DPP6: variants seen among roughly 807,000 people sequenced by gnomAD.
The protein encoded by DPP6 is A-type potassium channel modulatory protein DPP6.
Under a neutral mutation model 122.6 loss-of-function variants are expected in DPP6, and 69 were observed. The observed-to-expected ratio is 0.56, with a 90% CI of 0.46 to 0.69. The LOEUF (loss-of-function observed/expected upper bound fraction) is 0.69. Among genes scored for constraint, DPP6 ranks in the 30% least tolerant of loss-of-function variants. The probability of loss-of-function intolerance (pLI) is 0.00; values close to 1 mark genes in which losing one functional copy is unlikely to be tolerated. For missense variants in DPP6, 928 were observed against 1,116.9 expected, an observed-to-expected ratio of 0.83 and a Z score of 2.41; for synonymous variants, 418 against 433.1, an observed-to-expected ratio of 0.97 and a Z score of 0.43.
chr7:154,167,037 T>C (rs1405106706), intron 1 of DPP6, among the ~76,000 whole-genome samples: 1 of 149,288 alleles, frequency 6.7e-6, no homozygotes, highest in Non-Finnish European at 1.5e-5. Flanking sequence ...GCTCATGTGC[T>C]GAGTTTGGTG....
intron 1 of DPP6, among the ~76,000 whole-genome samples, chr7:153,983,545 G>A (rs1377628962): frequency 1.3e-5 from 2 of 152,158 alleles, no homozygotes; most frequent in Non-Finnish European, 2.9e-5. Flanking sequence ...CTCCTTTCCA[G>A]GTGAGTGAAC....
At chr7:154,627,063 A>AGTT (rs1342317514) in intron 5 of DPP6, among the ~76,000 whole-genome samples, 1 of 109,566 alleles carries the variant, frequency 9.1e-6, no homozygotes, top group Non-Finnish European at 1.7e-5. Flanking sequence ...ACCAGGCTGG[A>AGTT]GTTCAGTGGC....
intron 1 of DPP6, among the ~76,000 whole-genome samples, chr7:154,009,788 C>T (rs1798076937): frequency 6.6e-6 from 1 of 151,142 alleles, no homozygotes; most frequent in Non-Finnish European, 1.5e-5. Flanking sequence ...GTCAGCCCCT[C>T]AACCATGAAA....
intron 1 of DPP6, among the ~76,000 whole-genome samples, chr7:154,068,047 T>C (rs145732388): frequency 0.067 from 10,081 of 150,746 alleles, 1,123 homozygotes; most frequent in African/African-American, 0.23. Flanking sequence ...CAGGCATGAG[T>C]CACCGTGCCT....
the DPP6 span, among the ~76,000 whole-genome samples, chr7:153,771,497 G>A: frequency 3.3e-5 from 5 of 151,998 alleles, no homozygotes; most frequent in Non-Finnish European, 5.9e-5. Flanking sequence ...GTGCCACCAC[G>A]CCTGACTAAT....
intron 1 of DPP6, among the ~76,000 whole-genome samples, chr7:154,237,090 G>A (rs752388799): frequency 3.3e-5 from 5 of 152,160 alleles, no homozygotes; most frequent in Non-Finnish European, 5.9e-5. Flanking sequence ...ACGACTGGGC[G>A]TGAGGGAAGG....
At chr7:154,773,262 C>T (rs1796356703) in intron 10 of DPP6, among the ~76,000 whole-genome samples, 1 of 152,310 alleles carries the variant, frequency 6.6e-6, no homozygotes, top group East Asian at 1.9e-4. Flanking sequence ...CTTCCCAAGA[C>T]AATCCATGGA....
intron 1 of DPP6, among the ~76,000 whole-genome samples, chr7:154,432,620 A>G (rs1818518954): frequency 6.6e-6 from 1 of 152,222 alleles, no homozygotes; most frequent in Non-Finnish European, 1.5e-5. Context: ...CAACACCTGC[A>G]CTGGATTTTA....
At chr7:154,359,924 T>G (rs775935098) in intron 1 of DPP6, among the ~76,000 whole-genome samples, 2 of 152,152 alleles carry the variant, frequency 1.3e-5, no homozygotes, top group Non-Finnish European at 2.9e-5. Context: ...CGTAGGAAGG[T>G]ACAGAGGACA....
intron 8 of DPP6, among the ~76,000 whole-genome samples, chr7:154,750,566 C>A (rs563300120): frequency 1.3e-5 from 2 of 152,198 alleles, no homozygotes; most frequent in Admixed American, 6.5e-5. Context: ...AGTGGGAGGG[C>A]GTCCCGCACC....
intron 1 of DPP6, among the ~76,000 whole-genome samples, chr7:154,105,945 C>A (rs1216019224): frequency 1.3e-5 from 2 of 149,254 alleles, no homozygotes; most frequent in Non-Finnish European, 2.9e-5. Context: ...GGCCCCGACT[C>A]GCTTTCCCAT....
intron 1 of DPP6, among the ~76,000 whole-genome samples, chr7:154,152,607 G>A (rs1039873472): frequency 6.6e-6 from 1 of 152,202 alleles, no homozygotes; most frequent in African/African-American, 2.4e-5. Context: ...TTATCAGGAT[G>A]TAACCTTAGA....
intron 1 of DPP6, among the ~76,000 whole-genome samples, chr7:153,905,714 A>G (rs1432067656): frequency 6.6e-6 from 1 of 152,232 alleles, no homozygotes; most frequent in Non-Finnish European, 1.5e-5. Context: ...AAGGCTGAGG[A>G]ATAGAAGATA....
At chr7:154,573,803 G>A (rs1409414019) in intron 5 of DPP6, among the ~76,000 whole-genome samples, 1 of 152,188 alleles carries the variant, frequency 6.6e-6, no homozygotes, top group Non-Finnish European at 1.5e-5. Flanking sequence ...ACGTTCTTGG[G>A]AAACTGTTTA....
At chr7:154,399,106 G>A (rs994279115) in intron 1 of DPP6, among the ~76,000 whole-genome samples, 12 of 152,078 alleles carry the variant, frequency 7.9e-5, no homozygotes, top group Admixed American at 7.2e-4. Context: ...TATCTGAGGC[G>A]AGAGAGACCA....
chr7:153,801,719 G>A, the DPP6 span, among the ~76,000 whole-genome samples: 3,904 of 152,214 alleles, frequency 0.026, 80 homozygotes, highest in Non-Finnish European at 0.035. Context: ...AAACTTTTTT[G>A]GAGGACGTGG....
At position 154,173,845 on chromosome 7, in the gene DPP6, G is replaced by C. The variant is rs186223272; in HGVS notation, c.243+120782G>C. On this transcript the variant is annotated intron_variant, in intron 1 of 25. Coordinates refer to ENST00000377770, the MANE Select transcript of DPP6 (RefSeq NM_130797.4). ...ACTTCCCCAAACCAGTGGGACATCC[G>C]GGGCCTTTGACTGTGGCTGGGCTGC... is the stretch of plus-strand genomic sequence containing the variant. 2.0e-5 allele frequency among the ~76,000 whole-genome samples: 3 copies of C among 152,226 alleles called. No homozygotes were observed. In the East Asian group the frequency reaches 5.8e-4, roughly 29 times the overall value.
intron 1 of DPP6, among the ~76,000 whole-genome samples, chr7:154,113,627 G>A: frequency 6.6e-6 from 1 of 151,304 alleles, no homozygotes; most frequent in East Asian, 1.9e-4. Context: ...TTTGTTTCTT[G>A]TGCTTTTGGT....
At chr7:154,339,698 G>A (rs1020327183) in intron 1 of DPP6, among the ~76,000 whole-genome samples, 1 of 151,996 alleles carries the variant, frequency 6.6e-6, no homozygotes, top group Non-Finnish European at 1.5e-5. Flanking sequence ...AAAATAGGAA[G>A]CAGTCTTTGG....
Sources: allele counts gnomAD v4.1 joint callset (sites outside exome capture counted in the v4.1 genomes callset), GRCh38; gene constraint gnomAD v4.1.1; transcripts MANE v1.5; gene names NCBI Gene and HGNC (gene_info 2026-07-23, HGNC 2026-07-21).